NADSYN1: variants seen among roughly 807,000 people sequenced by gnomAD.
The protein encoded by NADSYN1 is NAD synthetase 1, also known as glutamine-dependent NAD(+) synthetase.
A neutral mutation model predicts 99.3 loss-of-function variants in NADSYN1; 80 were observed. The ratio of observed to expected loss-of-function variants is 0.81; its 90% CI spans 0.67 to 0.97. The LOEUF (loss-of-function observed/expected upper bound fraction) is 0.97. Among genes scored for constraint, NADSYN1 ranks in the 50% least tolerant of loss-of-function variants. The probability of loss-of-function intolerance (pLI) is 0.00; values close to 1 mark genes in which losing one functional copy is unlikely to be tolerated. For missense variants in NADSYN1, 859 were observed against 948.5 expected (o/e 0.91, Z 1.24); for synonymous variants, 385 against 372.1 (o/e 1.03, Z -0.40).
At chr11:71,462,897 C>A (rs1009327559) in intron 3 of NADSYN1, among the ~76,000 whole-genome samples, 1 of 152,172 alleles carries the variant, frequency 6.6e-6, no homozygotes, top group African/African-American at 2.4e-5. Context: ...CCAGCCAGGC[C>A]GCCCTCTCCT....
intron 16 of NADSYN1, among the ~76,000 whole-genome samples, chr11:71,489,340 C>G (rs1243559665): frequency 6.6e-6 from 1 of 152,142 alleles, no homozygotes; most frequent in Admixed American, 6.5e-5. Flanking sequence ...AAAAGTCTGC[C>G]TCAATTTTCC....
chr11:71,482,000 G>A lies in NADSYN1; in HGVS notation c.1125G>A (p.Gln375=). The A allele has an allele frequency of 6.2e-7, 1 of 1,612,356 alleles. No homozygotes were observed. The highest frequency in any genetic ancestry group is 1.1e-5 in the South Asian group (1 of 90,694). ...GCCTCATCTACTCCATGTGCTGCCAGGTCTGCGAGGCCGTGAGGAGTGGAA... is the reference window on the plus strand; with the variant it reads ...GCCTCATCTACTCCATGTGCTGCCAAGTCTGCGAGGCCGTGAGGAGTGGAA... ...TACLIYSMCC[Q]VCEAVRSGNE... The change falls in exon 13 of 21, where the codon CAG becomes CAA. Residue 375 remains glutamine, a synonymous_variant. Coordinates refer to ENST00000319023, the MANE Select transcript of NADSYN1 (RefSeq NM_018161.5).
chr11:71,457,359 T>C (rs1949520865), intron 2 of NADSYN1, among the ~76,000 whole-genome samples: 1 of 152,260 alleles, frequency 6.6e-6, no homozygotes, highest in African/African-American at 2.4e-5. Flanking sequence ...TTGGGGTTTA[T>C]GCAGGTGTGT....
Position 71,485,933 on chromosome 11 carries a change from C to T in NADSYN1, c.1562+285C>T, listed in dbSNP as rs555069170. Among the ~76,000 whole-genome samples the T allele has an allele frequency of 5.9e-5, 9 of 152,292 alleles. 1 individual carries two copies. The South Asian group carries it at 1.7e-3, about 28-fold the overall frequency. ...CCGCCCTCTGCCATGGTCAGGCTCC[C>T]CTCTTTCTTCTAGGCTGTTCCACTG... is the stretch of plus-strand genomic sequence containing the variant. On this transcript the variant is annotated intron_variant, in intron 16 of 20. Transcript: ENST00000319023.
At chr11:71,487,117 G>A (rs561483559) in intron 16 of NADSYN1, among the ~76,000 whole-genome samples, 1 of 152,148 alleles carries the variant, frequency 6.6e-6, no homozygotes, top group Non-Finnish European at 1.5e-5. Flanking sequence ...CTGCAGATGT[G>A]TTCTCTTTTA....
intron 13 of NADSYN1, 142 bp downstream of exon 13, chr11:71,482,167 C>T (rs1949712708): frequency 1.4e-6 from 1 of 698,018 alleles, no homozygotes; most frequent in East Asian, 2.7e-5. Context: ...GCACAAATGT[C>T]ACAGCATCAC....
At chr11:71,491,804 C>A (rs750923896) in intron 17 of NADSYN1, 30 bp from the exon 18 acceptor site, 1 of 1,611,312 alleles carries the variant, frequency 6.2e-7, no homozygotes, top group Admixed American at 1.7e-5. Flanking sequence ...CGCAGCTGCA[C>A]TGACCGACCT....
Position 71,481,405 on chromosome 11 carries a change from G to A in NADSYN1, c.1047+1G>A, listed in dbSNP as rs1949706883. The stretch of plus-strand genomic sequence containing the variant: ...GGATTTTTTAAGACGAAGTCAACAG[G>A]TAAGACTTCCAGTTTCTAGTGAGCC... On this transcript the variant is annotated splice_donor_variant, in intron 12 of 20. Transcript: ENST00000319023. LOFTEE classifies it high-confidence loss of function. 1 of 1,613,892 alleles carries A rather than the reference G, an allele frequency of 6.2e-7. No individual in the cohort carries two copies. Among genetic ancestry groups the A allele is most frequent in the Non-Finnish European group, 8.5e-7 (1 of 1,179,830 alleles).
chr11:71,483,174 T>C (rs1306767775), intron 14 of NADSYN1, among the ~76,000 whole-genome samples, 157 bp downstream of exon 14: 2 of 152,166 alleles, frequency 1.3e-5, no homozygotes, highest in Non-Finnish European at 2.9e-5. Flanking sequence ...TCCCTTTTTG[T>C]GGGTGAATAA....
chr11:71,469,203 A>G (rs566205909), intron 5 of NADSYN1, among the ~76,000 whole-genome samples: 5 of 152,296 alleles, frequency 3.3e-5, no homozygotes, highest in African/African-American at 9.6e-5. Flanking sequence ...CATGCCTGTA[A>G]TCCCAGCACT....
Position 71,473,632 on chromosome 11 carries a change from A to T in NADSYN1, c.612A>T (p.Gln204His), listed in dbSNP as rs7950441. ...TCACCAACGCCTCGGGCAGCCACCA[A>T]GTGCTGCGCAAAGCCAACACCAGGG... ...EIITNASGSHQVLRKANTRVD... is the reference protein window; with the variant it reads ...EIITNASGSHHVLRKANTRVD... Residue 204 changes from glutamine to histidine, a missense_variant, in exon 8 of 21, where the codon CAA (glutamine) becomes CAT (histidine). Coordinates refer to ENST00000319023, the MANE Select transcript of NADSYN1 (RefSeq NM_018161.5). The T allele has an allele frequency of 6.2e-6, 10 of 1,613,162 alleles. No individual in the cohort carries two copies. In the South Asian group the frequency reaches 6.6e-5, roughly 11 times the overall value.
intron 16 of NADSYN1, among the ~76,000 whole-genome samples, chr11:71,488,442 C>T (rs180963677): frequency 6.6e-6 from 1 of 152,024 alleles, no homozygotes; most frequent in African/African-American, 2.4e-5. Context: ...CATGACTCCC[C>T]CAGGACTGAG....
At chr11:71,460,568 T>A (rs1325852561) in intron 3 of NADSYN1, among the ~76,000 whole-genome samples, 1 of 152,228 alleles carries the variant, frequency 6.6e-6, no homozygotes, top group Non-Finnish European at 1.5e-5. Context: ...TTGCCCAGGC[T>A]GGTTCTTTTT....
intron 9 of NADSYN1, chr11:71,477,453 T>TA (rs775248259): frequency 2.2e-5 from 28 of 1,289,322 alleles, no homozygotes; most frequent in African/African-American, 3.0e-5. Context: ...GGCCCCCTGT[T>TA]ACGGCGGTAG....
intron 9 of NADSYN1, chr11:71,476,067 T>C (rs1175218421): frequency 2.2e-6 from 1 of 456,304 alleles, no homozygotes; most frequent in Non-Finnish European, 4.4e-6. Flanking sequence ...TTGCCACAAA[T>C]GGAAACAAAT....
chr11:71,482,884 A>G lies in NADSYN1; in HGVS notation c.1186A>G (p.Asn396Asp). Residue 396 changes from asparagine (N) to aspartate (D), a missense_variant, in exon 14 of 21, where the codon AAC (asparagine) becomes GAC (aspartate). By Grantham distance (23) the Asn-to-Asp change is conservative. Transcript: ENST00000319023. ...EVLADVRTIVNQISYTPQDPR... is the reference protein window; with the variant it reads ...EVLADVRTIVDQISYTPQDPR... ...GCTGGCTGATGTCCGCACCATCGTG[A>G]ACCAGATCAGCTACACCCCCCAGGA... The G allele has an allele frequency of 1.2e-6, 2 of 1,613,086 alleles. No homozygotes were observed. Among genetic ancestry groups the G allele is most frequent in the Non-Finnish European group, 1.7e-6 (2 of 1,179,588 alleles).
chr11:71,497,651 G>C (rs1334110024), intron 19 of NADSYN1, 40 bp downstream of exon 19: 1 of 1,612,910 alleles, frequency 6.2e-7, no homozygotes, highest in Admixed American at 1.7e-5. Flanking sequence ...AGGCCAGTTA[G>C]GTAATGTCCC....
intron 9 of NADSYN1, chr11:71,475,950 G>C (rs1949662741): frequency 3.3e-5 from 15 of 449,126 alleles, no homozygotes; most frequent in South Asian, 2.2e-4. Context: ...CTGAGCTCAG[G>C]CAATCCACGC....
At position 71,498,313 on chromosome 11, in the gene NADSYN1, T is replaced by C. The variant is rs769213114; in HGVS notation, c.1894-39T>C. The C allele has an allele frequency of 6.2e-6, 10 of 1,609,994 alleles. 1 individual carries two copies. In the South Asian group the frequency reaches 1.1e-4, roughly 18 times the overall value. Reference sequence around the variant, plus strand: ...GAATTCCGGCCTGGGGTCTCTCCAGTTTTGGTAACATGAAGCTCGTGTGTT... The same window carrying C: ...GAATTCCGGCCTGGGGTCTCTCCAGCTTTGGTAACATGAAGCTCGTGTGTT... On this transcript the variant is annotated intron_variant, in intron 19 of 20. Coordinates refer to ENST00000319023, the MANE Select transcript of NADSYN1 (RefSeq NM_018161.5).
Sources: allele counts gnomAD v4.1 joint callset (sites outside exome capture counted in the v4.1 genomes callset), GRCh38; gene constraint gnomAD v4.1.1; transcripts MANE v1.5; gene names NCBI Gene and HGNC (gene_info 2026-07-23, HGNC 2026-07-21).